Variants in VAMP4 observed in about 807,000 individuals in gnomAD.
The protein encoded by VAMP4 is vesicle-associated membrane protein 4.
In VAMP4, 19 loss-of-function variants were observed where a neutral mutation model predicts 23.5. That is an observed-to-expected ratio of 0.81 (90% confidence interval 0.56 to 1.19). The LOEUF (loss-of-function observed/expected upper bound fraction) is 1.19. Among genes scored for constraint, VAMP4 ranks in the 50% most tolerant of loss-of-function variants. VAMP4 has a pLI of 0.00. For missense variants in VAMP4, 145 were observed against 168.6 expected (o/e 0.86, Z 0.78); for synonymous variants, 31 against 51.0 (o/e 0.61, Z 1.67).
intron 2 of VAMP4, among the ~76,000 whole-genome samples, chr1:171,730,741 G>C (rs1019323781): frequency 1.4e-5 from 2 of 138,650 alleles, no homozygotes; most frequent in East Asian, 4.9e-4. Context: ...TGGTGGTTCT[G>C]GGGGCAAGGA....
In VAMP4 at chr1:171,719,272, A is replaced by C. The variant is rs943014248; in HGVS notation, c.114-51T>G. 5.5e-6 allele frequency: 8 copies of C among 1,462,796 alleles called. No individual in the cohort carries two copies. The African/African-American group carries it at 1.1e-4, about 21-fold the overall frequency. The allele number at this position is 1,462,796 out of a possible 1,614,324, so 90.6% of individuals were successfully genotyped here. A position where few individuals can be genotyped will look rare whatever the true frequency, so the allele number is the denominator to read the frequency against. ...ATATTAGTAGTGACAGGATTAAAAC[A>C]AAACAAAAAAAAGATAGAAAGTATA... On this transcript the variant is annotated intron_variant, in intron 3 of 7. Transcript: ENST00000236192.
At chr1:171,732,291 TG>T (rs1233550174) in intron 2 of VAMP4, among the ~76,000 whole-genome samples, 2 of 141,084 alleles carry the variant, frequency 1.4e-5, no homozygotes, top group Non-Finnish European at 3.0e-5. Flanking sequence ...GAGGCCAAAG[TG>T]GGGGGATCAC....
chr1:171,741,403 T>C (rs567514863), intron 1 of VAMP4, among the ~76,000 whole-genome samples: 4 of 152,056 alleles, frequency 2.6e-5, no homozygotes, highest in Admixed American at 6.6e-5. Flanking sequence ...ACCTGTCAAG[T>C]GTAACGATTC....
At chr1:171,706,496 G>A in intron 6 of VAMP4, 78 bp from the exon 7 acceptor site, 1 of 1,351,014 alleles carries the variant, frequency 7.4e-7, no homozygotes, top group Non-Finnish European at 1.0e-6. Flanking sequence ...TCTATTTACT[G>A]CATCATACTA....
intron 4 of VAMP4, among the ~76,000 whole-genome samples, chr1:171,717,726 C>T (rs1255331333): frequency 1.3e-5 from 2 of 152,044 alleles, no homozygotes; most frequent in African/African-American, 4.8e-5. Flanking sequence ...GCTGGGATTA[C>T]AGGCGTGAAA....
intron 3 of VAMP4, among the ~76,000 whole-genome samples, chr1:171,725,873 C>T (rs114427647): frequency 0.025 from 3,756 of 151,704 alleles, 75 homozygotes; most frequent in Non-Finnish European, 0.042. Context: ...GTATTTTCAG[C>T]AGAGACGTTT....
chr1:171,713,874 A>G (rs1399976757), intron 4 of VAMP4, among the ~76,000 whole-genome samples: 1 of 152,166 alleles, frequency 6.6e-6, no homozygotes, highest in Non-Finnish European at 1.5e-5. Flanking sequence ...CCATGGATAT[A>G]GGCAGATTAA....
chr1:171,741,063 G>T (rs1655906738), intron 1 of VAMP4, among the ~76,000 whole-genome samples: 1 of 152,206 alleles, frequency 6.6e-6, no homozygotes, highest in Non-Finnish European at 1.5e-5. Context: ...TGTGAATTCA[G>T]CTGTTTGTGA....
chr1:171,706,478 TTTG>T (rs1654656687), intron 6 of VAMP4, 60 bp from the exon 7 acceptor site: 23 of 1,496,730 alleles, frequency 1.5e-5, no homozygotes, highest in Non-Finnish European at 1.9e-5. Flanking sequence ...GTCAAGACTA[TTTG>T]TTGTTCTATT....
chr1:171,716,857 G>C (rs1446111929), intron 4 of VAMP4, among the ~76,000 whole-genome samples: 1 of 152,160 alleles, frequency 6.6e-6, no homozygotes, highest in African/African-American at 2.4e-5. Flanking sequence ...ATTAATCAAG[G>C]TTTAATGCAT....
intron 2 of VAMP4, among the ~76,000 whole-genome samples, chr1:171,734,587 GT>G (rs1320242042): frequency 6.6e-6 from 1 of 152,184 alleles, no homozygotes; most frequent in Non-Finnish European, 1.5e-5. Flanking sequence ...CTTTAAGTGG[GT>G]GAATTGTATG....
At chr1:171,719,023 T>C in intron 4 of VAMP4, 148 bp downstream of exon 4, 1 of 601,536 alleles carries the variant, frequency 1.7e-6, no homozygotes. Flanking sequence ...CTATCGATAA[T>C]ATGAAAACAA....
At chr1:171,738,235 G>T (rs906350043) in intron 2 of VAMP4, 114 bp downstream of exon 2, 5 of 1,116,994 alleles carry the variant, frequency 4.5e-6, no homozygotes, top group African/African-American at 1.6e-5. Context: ...TCCCAAGTGC[G>T]GCGATTGCAG....
rs111432864 is a variant in VAMP4 at position 171,719,308 on chromosome 1, A to C, written c.114-87T>G. 1,076 of 1,158,390 alleles carry C rather than the reference A, an allele frequency of 9.3e-4. 5 individuals carry two copies. The African/African-American group carries it at 0.013, about 14-fold the overall frequency. 71.8% of individuals were successfully genotyped at this position (1,158,390 alleles called of 1,614,324 possible). Reference sequence around the variant, plus strand: ...AAGATAGAAAGTATACACAAATACAAACAATCAAGCTGAACTCTAAACATG... The same window carrying C: ...AAGATAGAAAGTATACACAAATACACACAATCAAGCTGAACTCTAAACATG... On this transcript the variant is annotated intron_variant, in intron 3 of 7. Coordinates refer to ENST00000236192, the MANE Select transcript of VAMP4 (RefSeq NM_003762.5).
At chr1:171,718,411 T>C (rs551305086) in intron 4 of VAMP4, among the ~76,000 whole-genome samples, 2 of 152,294 alleles carry the variant, frequency 1.3e-5, no homozygotes, top group South Asian at 4.1e-4. Flanking sequence ...TCTTTACAGC[T>C]TGGTCAGTTT....
chr1:171,710,799 C>T lies in VAMP4; in HGVS notation c.180G>A (p.Val60=). 6.2e-7 allele frequency: 1 copy of T among 1,605,996 alleles called. No homozygotes were observed. Reference sequence around the variant, plus strand: ...CTTGCATGACATCAATAACTTCATCCACTTGATTCTGAACACTAGTTTAAA... The same window carrying T: ...CTTGCATGACATCAATAACTTCATCTACTTGATTCTGAACACTAGTTTAAA... The part of the protein sequence containing the change: ...NDKIKHVQNQ[V]DEVIDVMQEN... The change falls in exon 5 of 8, where the codon GTG becomes GTA. Residue 60 remains valine, a synonymous_variant. Transcript: ENST00000236192.
At chr1:171,728,242 C>T (rs191647954) in intron 3 of VAMP4, among the ~76,000 whole-genome samples, 1 of 152,238 alleles carries the variant, frequency 6.6e-6, no homozygotes, top group Admixed American at 6.5e-5. Context: ...TATATACTAC[C>T]CAGCCCTTTA....
rs776784901 is a variant in VAMP4 at position 171,706,353 on chromosome 1, C to G, written c.397+14G>C. 2 of 1,597,352 alleles carry G rather than the reference C, an allele frequency of 1.3e-6. No individual in the cohort carries two copies. The highest frequency in any genetic ancestry group is 2.3e-5 in the South Asian group (2 of 88,222). ...AATGATACCCTAGGAAGTAATAATC[C>G]AATAAATACTTACTGATAATCACTA... On this transcript the variant is annotated intron_variant, in intron 7 of 7. Coordinates refer to ENST00000236192, the MANE Select transcript of VAMP4 (RefSeq NM_003762.5).
intron 4 of VAMP4, among the ~76,000 whole-genome samples, chr1:171,711,698 ATTACT>A (rs1572240992): frequency 6.6e-6 from 1 of 152,116 alleles, no homozygotes; most frequent in African/African-American, 2.4e-5. Context: ...ATTATTTTAA[ATTACT>A]TTACGAAATA....
Sources: allele counts gnomAD v4.1 joint callset (sites outside exome capture counted in the v4.1 genomes callset), GRCh38; gene constraint gnomAD v4.1.1; transcripts MANE v1.5; gene names NCBI Gene and HGNC (gene_info 2026-07-23, HGNC 2026-07-21).